The following MAST4 variants were observed in gnomAD, a reference collection of about 807,000 sequenced individuals.
The protein encoded by MAST4 is microtubule-associated serine/threonine-protein kinase 4.
Under a neutral mutation model 162.7 loss-of-function variants are expected in MAST4, and 89 were observed. The ratio of observed to expected loss-of-function variants is 0.55; its 90% CI spans 0.46 to 0.65. The LOEUF (loss-of-function observed/expected upper bound fraction) is 0.65, where lower values mean the gene tolerates loss of function less well. Among genes scored for constraint, MAST4 ranks in the 30% least tolerant of loss-of-function variants. The pLI is 0.00. For missense variants in MAST4, 3,153 were observed against 3,374.0 expected (o/e 0.93, Z 1.62); for synonymous variants, 1,479 against 1,361.1 (o/e 1.09, Z -1.91).
At chr5:67,098,985 A>G (rs1194122889) in intron 7 of MAST4, among the ~76,000 whole-genome samples, 2 of 152,170 alleles carry the variant, frequency 1.3e-5, no homozygotes, top group East Asian at 3.8e-4. Flanking sequence ...TTTGCCACCA[A>G]AAGAGATTAC....
chr5:66,747,710 A>T (rs184649718), intron 1 of MAST4, among the ~76,000 whole-genome samples: 47 of 152,316 alleles, frequency 3.1e-4, no homozygotes, highest in Admixed American at 3.1e-3. Context: ...GACAAAAAGG[A>T]AAGTGAGTGT....
At chr5:66,645,351 T>A (rs1331152929) in intron 1 of MAST4, among the ~76,000 whole-genome samples, 3 of 152,190 alleles carry the variant, frequency 2.0e-5, no homozygotes, top group African/African-American at 7.2e-5. Context: ...CGTGGCATTA[T>A]AAATTTTGTT....
chr5:66,971,465 C>G (rs1747425682), intron 4 of MAST4, among the ~76,000 whole-genome samples: 1 of 152,062 alleles, frequency 6.6e-6, no homozygotes. Flanking sequence ...TTTAGGAAAC[C>G]AGCCTCTTCA....
chr5:66,982,722 A>G (rs1749017658), intron 4 of MAST4, among the ~76,000 whole-genome samples: 1 of 152,206 alleles, frequency 6.6e-6, no homozygotes, highest in Non-Finnish European at 1.5e-5. Flanking sequence ...GGATATCAGC[A>G]CATCAGTTAA....
intron 3 of MAST4, among the ~76,000 whole-genome samples, chr5:66,898,908 C>T (rs988323280): frequency 2.6e-5 from 4 of 152,168 alleles, no homozygotes; most frequent in Non-Finnish European, 5.9e-5. Flanking sequence ...AAAGTGATAG[C>T]TGAGCCTGCT....
chr5:66,716,986 C>T (rs571979288), intron 1 of MAST4, among the ~76,000 whole-genome samples: 66 of 152,332 alleles, frequency 4.3e-4, no homozygotes, highest in African/African-American at 1.6e-3. Flanking sequence ...AAAGTTCTCC[C>T]TCAAGGAGCT....
intron 3 of MAST4, among the ~76,000 whole-genome samples, chr5:66,820,934 A>C (rs1236478051): frequency 1.3e-5 from 2 of 152,230 alleles, no homozygotes; most frequent in Non-Finnish European, 2.9e-5. Flanking sequence ...CTTTCTTGTG[A>C]AAAGCCTTAA....
At chr5:67,013,704 G>A (rs1032646436) in intron 4 of MAST4, among the ~76,000 whole-genome samples, 4 of 151,786 alleles carry the variant, frequency 2.6e-5, no homozygotes, top group African/African-American at 9.7e-5. Context: ...TTTCTAAAAT[G>A]CAATAGGATG....
At chr5:67,123,020 CT>C (rs1435656151) in intron 14 of MAST4, among the ~76,000 whole-genome samples, 1 of 152,114 alleles carries the variant, frequency 6.6e-6, no homozygotes, top group African/African-American at 2.4e-5. Flanking sequence ...TTTTAATAAT[CT>C]TTAATTTGAA....
At chr5:67,137,889 T>C (rs1465001376) in intron 19 of MAST4, among the ~76,000 whole-genome samples, 1 of 152,208 alleles carries the variant, frequency 6.6e-6, no homozygotes, top group Non-Finnish European at 1.5e-5. Context: ...GTTTTGCCCT[T>C]TACACAAAAG....
At chr5:66,903,156 G>T (rs777760526) in intron 4 of MAST4, among the ~76,000 whole-genome samples, 6 of 152,124 alleles carry the variant, frequency 3.9e-5, no homozygotes, top group Non-Finnish European at 8.8e-5. Context: ...TGTAAAACAT[G>T]CATGGAAAGC....
intron 3 of MAST4, among the ~76,000 whole-genome samples, chr5:66,824,766 A>C (rs565679636): frequency 6.6e-6 from 1 of 152,212 alleles, no homozygotes; most frequent in African/African-American, 2.4e-5. Flanking sequence ...CTCCTAGTCT[A>C]CAAACCTGTA....
chr5:66,875,616 CT>C (rs1278390406), intron 3 of MAST4, among the ~76,000 whole-genome samples: 11 of 152,270 alleles, frequency 7.2e-5, no homozygotes, highest in Admixed American at 3.3e-4. Flanking sequence ...TTATAACAAT[CT>C]TTTAAGTTAT....
In MAST4 at chr5:66,702,379, G is replaced by A. The variant is rs80030310; in HGVS notation, c.364-57330G>A. On this transcript the variant is annotated intron_variant, in intron 1 of 28. Transcript: ENST00000403625. Reference sequence around the variant, plus strand: ...CATGGAGCTGACATTAGGGGTAGAGGGAATGTGGTGATGGGCAACACAGAA... The same window carrying A: ...CATGGAGCTGACATTAGGGGTAGAGAGAATGTGGTGATGGGCAACACAGAA... 8.5e-3 allele frequency among the ~76,000 whole-genome samples: 1,302 copies of A among 152,302 alleles called. 22 individuals carry two copies. Among genetic ancestry groups the A allele is most frequent in the African/African-American group, 0.03 (1,235 of 41,558 alleles).
chr5:67,164,664 C>T lies in MAST4; in HGVS notation c.5485C>T (p.Pro1829Ser), dbSNP rs1336866918. Residue 1829 changes from proline (P) to serine (S), a missense_variant, in exon 29 of 29, where the codon CCC (proline) becomes TCC (serine). Physicochemically the swap from Pro to Ser is moderately conservative, Grantham distance 74. Around this residue, in one of 7 missense-constraint regions of MAST4, gnomAD observed 1,644 missense variants for 1,495.0 expected, o/e 1.10. Transcript: ENST00000403625. The surrounding 1 kb of genome is among the most constrained non-coding windows in gnomAD (Gnocchi z 5.3). Reference protein sequence around the residue: ...ELPSPESAQSPSPSGDVRASV... With the variant: ...ELPSPESAQSSSPSGDVRASV... ...GCCTTCCCCAGAGTCTGCACAGAGC[C>T]CCAGCCCAAGTGGTGACGTGAGGGC... 6.2e-7 allele frequency: 1 copy of T among 1,614,008 alleles called. No homozygotes were observed. The highest frequency in any genetic ancestry group is 1.7e-5 in the Admixed American group (1 of 60,034).
chr5:66,947,681 T>C (rs150458305), intron 4 of MAST4, among the ~76,000 whole-genome samples: 5 of 152,280 alleles, frequency 3.3e-5, no homozygotes, highest in African/African-American at 9.6e-5. Context: ...CATTTCCCCG[T>C]GGCAGGAGAC....
Position 66,784,961 on chromosome 5 carries a change from C to T in MAST4, c.518-3709C>T, listed in dbSNP as rs146068089. On this transcript the variant is annotated intron_variant, in intron 2 of 28. Transcript: ENST00000403625. ...GAGCATAGCGGCTCATGCCTGTAAT[C>T]CCAACACTTTGGGAGGCTTAGGCGG... Among the ~76,000 whole-genome samples the T allele has an allele frequency of 2.0e-3, 302 of 152,324 alleles. 1 individual carries two copies. Among genetic ancestry groups the T allele is most frequent in the African/African-American group, 7.0e-3 (293 of 41,586 alleles).
chr5:66,741,793 C>T (rs753294934), intron 1 of MAST4, among the ~76,000 whole-genome samples: 16 of 152,156 alleles, frequency 1.1e-4, no homozygotes, highest in Non-Finnish European at 1.9e-4. Context: ...GTCAGGGGAT[C>T]GGTGTGCTTC....
chr5:66,770,447 T>C (rs1261022487), intron 2 of MAST4, among the ~76,000 whole-genome samples: 2 of 152,188 alleles, frequency 1.3e-5, no homozygotes, highest in African/African-American at 2.4e-5. Context: ...TCATCTCCCA[T>C]GCAGGTGGTC....
Sources: allele counts gnomAD v4.1 joint callset (sites outside exome capture counted in the v4.1 genomes callset), GRCh38; gene constraint gnomAD v4.1.1; regional missense constraint gnomAD v4.1.1; non-coding constraint Gnocchi (gnomAD v3.1); transcripts MANE v1.5; gene names NCBI Gene and HGNC (gene_info 2026-07-23, HGNC 2026-07-21).